SLC16A4: variants seen among roughly 807,000 people sequenced by gnomAD.
SLC16A4 encodes the protein probable monocarboxylate transporter 5.
SLC16A4 carries 39 observed loss-of-function variants against 47.9 expected under a neutral mutation model. That is an observed-to-expected ratio of 0.81 (90% CI 0.63 to 1.06). The LOEUF (loss-of-function observed/expected upper bound fraction) is 1.06, where lower values mean the gene tolerates loss of function less well. Ranked by LOEUF, SLC16A4 falls within the 50% of genes least tolerant of loss-of-function variation. The probability of loss-of-function intolerance (pLI) is 0.00; values close to 1 mark genes in which losing one functional copy is unlikely to be tolerated. For synonymous variants in SLC16A4, 189 were observed against 199.9 expected, an observed-to-expected ratio of 0.95 and a Z score of 0.46; for missense variants, 524 against 573.8, an observed-to-expected ratio of 0.91 and a Z score of 0.89.
In SLC16A4 at chr1:110,377,028, TG is replaced by T; in HGVS notation, c.1163del (p.Thr388AsnfsTer6). ...TGGTGTAGGTCATAAGTAGTGGAAA[TG>T]TGGTGGCTAAAGGAGCAAGCAGGTT... The part of the protein sequence containing the change: ...ITNLLAPLAT[T>X]FPLLMTYTIC... On this transcript the variant is annotated frameshift_variant, in exon 7 of 9. Coordinates refer to ENST00000369779, the MANE Select transcript of SLC16A4 (RefSeq NM_004696.3). LOFTEE classifies it high-confidence loss of function. 2.5e-6 allele frequency: 4 copies of T among 1,613,496 alleles called. No homozygotes were observed. The highest frequency in any genetic ancestry group is 3.4e-6 in the Non-Finnish European group (4 of 1,179,840).
intron 5 of SLC16A4, among the ~76,000 whole-genome samples, chr1:110,380,647 A>AGGG (rs1662326088): frequency 1.5e-5 from 1 of 66,926 alleles, no homozygotes; most frequent in African/African-American, 6.0e-5. Context: ...CGGGGGGGGA[A>AGGG]GGGGGAAGCC....
chr1:110,379,978 G>C (rs1157392492), intron 5 of SLC16A4: 1 of 150,884 alleles, frequency 6.6e-6, no homozygotes, highest in Non-Finnish European at 1.5e-5. Flanking sequence ...GGATCGCTTA[G>C]CCTGGGAGGT....
intron 3 of SLC16A4, 22 bp from the exon 4 acceptor site, chr1:110,381,817 A>G: frequency 6.2e-7 from 1 of 1,603,480 alleles, no homozygotes; most frequent in East Asian, 2.2e-5. Flanking sequence ...AAAGAAAGGC[A>G]ATTCTTAGGT....
Position 110,363,430 on chromosome 1 carries a change from T to G in SLC16A4, c.*336A>C, listed in dbSNP as rs1570621188. Reference sequence around the variant, plus strand: ...TCACGAGGTCAGGAGATGGAGACCATCCTGGCTAACATGGTGAAACCCCGC... The same window carrying G: ...TCACGAGGTCAGGAGATGGAGACCAGCCTGGCTAACATGGTGAAACCCCGC... On this transcript the variant is annotated 3_prime_UTR_variant, in exon 9 of 9. Transcript: ENST00000369779. The G allele has an allele frequency of 6.2e-6, 1 of 161,606 alleles. No homozygotes were observed. Among genetic ancestry groups the G allele is most frequent in the Non-Finnish European group, 1.3e-5 (1 of 74,522 alleles). The allele number at this position is 161,606 out of a possible 1,614,324, so 10.0% of individuals were successfully genotyped here.
chr1:110,371,038 CAT>C (rs1367387584), intron 8 of SLC16A4: 1 of 152,162 alleles, frequency 6.6e-6, no homozygotes, highest in Non-Finnish European at 1.5e-5. Context: ...CCTGGTGAGT[CAT>C]GTGAGGACTG....
chr1:110,374,215 A>C lies in SLC16A4; in HGVS notation c.1336+1243T>G, dbSNP rs144864575. 2.0e-5 allele frequency among the ~76,000 whole-genome samples: 3 copies of C among 151,102 alleles called. No individual in the cohort carries two copies. In the East Asian group the frequency reaches 5.9e-4, roughly 30 times the overall value. ...GCCATTACACTCGGCTAATTTTTGT[A>C]TTTTTAGTAGAGACCGGGTTTCACC... On this transcript the variant is annotated intron_variant, in intron 8 of 8. Coordinates refer to ENST00000369779, the MANE Select transcript of SLC16A4 (RefSeq NM_004696.3).
At chr1:110,377,385 T>C (rs541199828) in intron 6 of SLC16A4, among the ~76,000 whole-genome samples, 1 of 152,264 alleles carries the variant, frequency 6.6e-6, no homozygotes, top group East Asian at 1.9e-4. Context: ...AGAAGACCCA[T>C]GTAGTTAGTG....
intron 2 of SLC16A4, among the ~76,000 whole-genome samples, chr1:110,384,645 G>C (rs972715577): frequency 2.6e-5 from 4 of 152,190 alleles, no homozygotes; most frequent in Non-Finnish European, 5.9e-5. Flanking sequence ...TGTACTCTCT[G>C]TCTCCAGGGG....
In SLC16A4 at chr1:110,375,682, C is replaced by T. The variant is rs878978760; in HGVS notation, c.1243-131G>A. The stretch of plus-strand genomic sequence containing the variant: ...GTGACTTCTGGGGTGAGTTGGTTGG[C>T]TTTTTGCCCCCAATATTGTGAAAGA... On this transcript the variant is annotated intron_variant, in intron 7 of 8. Transcript: ENST00000369779. The T allele has an allele frequency of 5.5e-6, 3 of 549,418 alleles. No homozygotes were observed. The South Asian group carries it at 9.0e-5, about 16-fold the overall frequency. 34.0% of individuals were successfully genotyped at this position (549,418 alleles called of 1,614,324 possible).
At chr1:110,369,507 G>A (rs902848526) in intron 8 of SLC16A4, among the ~76,000 whole-genome samples, 1 of 152,064 alleles carries the variant, frequency 6.6e-6, no homozygotes, top group Non-Finnish European at 1.5e-5. Flanking sequence ...GGCTGAGGTG[G>A]GAGAATCACT....
rs79542476 is a variant in SLC16A4, at chr1:110,377,081, A to C, written c.1111T>G (p.Ser371Ala). The change falls in exon 7 of 9, where the codon TCT becomes GCT. Residue 371 changes from serine (S) to alanine (A), a missense_variant. Coordinates refer to ENST00000369779, the MANE Select transcript of SLC16A4 (RefSeq NM_004696.3). ...GTGATGCCGCAGAGGATGAGGTAAG[A>C]CTTGTGGTAATGATACTTCTTAATC... ...NWIKKYHYHK[S>A]YLILCGITNL... 5,918 of 1,614,134 alleles carry C rather than the reference A, an allele frequency of 3.7e-3. 16 individuals are homozygous for C. Among genetic ancestry groups the C allele is most frequent in the Non-Finnish European group, 4.4e-3 (5,230 of 1,180,008 alleles).
At chr1:110,379,483 G>T in intron 5 of SLC16A4, 127 bp from the exon 6 acceptor site, 2 of 857,562 alleles carry the variant, frequency 2.3e-6, no homozygotes, top group Non-Finnish European at 3.5e-6. Context: ...CTTTGTCTCC[G>T]ATTTGACTTA....
intron 2 of SLC16A4, among the ~76,000 whole-genome samples, chr1:110,385,331 C>A (rs1474367089): frequency 6.6e-6 from 1 of 152,194 alleles, no homozygotes; most frequent in Admixed American, 6.5e-5. Flanking sequence ...GAAAATATTA[C>A]CTAGCTCATA....
At chr1:110,389,458 C>A (rs1471149573) in intron 1 of SLC16A4, 103 bp from the exon 2 acceptor site, 1 of 750,244 alleles carries the variant, frequency 1.3e-6, no homozygotes, top group East Asian at 2.7e-5. Flanking sequence ...GGTGGGAATG[C>A]AAATTAGTTC....
intron 5 of SLC16A4, 91 bp from the exon 6 acceptor site, chr1:110,379,447 T>C: frequency 1.7e-6 from 2 of 1,191,476 alleles, no homozygotes; most frequent in Admixed American, 2.4e-5. Context: ...CCCACTGGCA[T>C]AGCCCATTAA....
chr1:110,389,693 A>C (rs1662927334), intron 1 of SLC16A4, among the ~76,000 whole-genome samples: 1 of 152,254 alleles, frequency 6.6e-6, no homozygotes, highest in African/African-American at 2.4e-5. Flanking sequence ...AATGTGATAC[A>C]TAGACACCAT....
intron 8 of SLC16A4, among the ~76,000 whole-genome samples, chr1:110,365,212 C>T (rs140050221): frequency 2.9e-4 from 44 of 152,048 alleles, no homozygotes; most frequent in African/African-American, 1.0e-3. Context: ...AAATATCTGC[C>T]CTCATGGAGC....
chr1:110,374,372 C>T (rs1661867522), intron 8 of SLC16A4, among the ~76,000 whole-genome samples: 2 of 152,288 alleles, frequency 1.3e-5, no homozygotes, highest in South Asian at 4.1e-4. Context: ...ATAAACTTAA[C>T]ATCATTATGA....
chr1:110,367,724 G>A (rs1235222216), intron 8 of SLC16A4, among the ~76,000 whole-genome samples: 4 of 152,044 alleles, frequency 2.6e-5, no homozygotes, highest in Non-Finnish European at 4.4e-5. Flanking sequence ...TATATAGGGA[G>A]AGAGAACGAG....
Sources: gnomAD v4.1 joint callset for allele counts (sites outside exome capture counted in the v4.1 genomes callset) on GRCh38, gnomAD v4.1.1 for gene constraint, MANE v1.5 for transcripts, NCBI Gene and HGNC (gene_info 2026-07-23, HGNC 2026-07-21) for gene names.